MARK2: variants seen among roughly 807,000 people sequenced by gnomAD.
The protein encoded by MARK2 is microtubule affinity regulating kinase 2, also known as serine/threonine-protein kinase MARK2.
Under a neutral mutation model 89.8 loss-of-function variants are expected in MARK2, and 16 were observed. That is an observed-to-expected ratio of 0.18 (90% CI 0.12 to 0.27). The LOEUF (loss-of-function observed/expected upper bound fraction) is 0.27, where lower values mean the gene tolerates loss of function less well. Ranked by LOEUF, MARK2 falls within the 10% of genes least tolerant of loss-of-function variation. The probability of loss-of-function intolerance (pLI) is 1.00; values close to 1 mark genes in which losing one functional copy is unlikely to be tolerated. For missense variants in MARK2, 621 were observed against 1,049.9 expected (o/e 0.59, Z 5.65); for synonymous variants, 382 against 399.5 (o/e 0.96, Z 0.52).
chr11:63,855,987 A>G (rs951270607), intron 1 of MARK2, among the ~76,000 whole-genome samples: 4 of 152,230 alleles, frequency 2.6e-5, no homozygotes, highest in African/African-American at 7.2e-5. Flanking sequence ...TCAATTTCTA[A>G]TAAGATAGCT....
chr11:63,904,636 AGTAGTCACACCCTTCCTTCTGTGTCCTC>A lies in MARK2; in HGVS notation c.1677-147_1677-120del. On this transcript the variant is annotated intron_variant, in intron 15 of 18. Coordinates refer to ENST00000402010, the MANE Select transcript of MARK2 (RefSeq NM_001039469.3). The surrounding 1 kb of genome is among the most constrained non-coding windows in gnomAD (Gnocchi z 6.3). ...AGACTTCCTTCTCACCACTGTCCTC[AGTAGTCACACCCTTCCTTCTGTGTCCTC>A]GTGATGGCTGCCTCTGCCCTAGCAT... 1.4e-6 allele frequency: 1 copy of A among 692,288 alleles called. No individual in the cohort carries two copies. 42.9% of individuals were successfully genotyped at this position (692,288 alleles called of 1,614,324 possible). A position where few individuals can be genotyped will look rare whatever the true frequency, so the allele number is the denominator to read the frequency against.
At position 63,889,518 on chromosome 11, in the gene MARK2, C is replaced by T. The variant is rs545478943; in HGVS notation, c.55-5641C>T. 1.8e-3 allele frequency among the ~76,000 whole-genome samples: 273 copies of T among 152,326 alleles called. 1 individual carries two copies. Among genetic ancestry groups the T allele is most frequent in the African/African-American group, 6.3e-3 (260 of 41,582 alleles). Reference sequence around the variant, plus strand: ...CAGGGGCCCTGCCTACCTGAGTCAGCGCCAGGCCTCTCGGGGTGGAGGCTG... The same window carrying T: ...CAGGGGCCCTGCCTACCTGAGTCAGTGCCAGGCCTCTCGGGGTGGAGGCTG... On this transcript the variant is annotated intron_variant, in intron 1 of 18. Coordinates refer to ENST00000402010, the MANE Select transcript of MARK2 (RefSeq NM_001039469.3).
rs1318975248 is a variant in MARK2, at chr11:63,898,612, A to G, written c.342A>G (p.Lys114=). 6.2e-7 allele frequency: 1 copy of G among 1,613,522 alleles called. No individual in the cohort carries two copies. The highest frequency in any genetic ancestry group is 1.1e-5 in the South Asian group (1 of 91,084). The change falls in exon 5 of 19, where the codon AAA becomes AAG. Residue 114 remains lysine (K), a synonymous_variant. Coordinates refer to ENST00000402010, the MANE Select transcript of MARK2 (RefSeq NM_001039469.3). The part of the protein sequence containing the change: ...MKVLNHPNIV[K]LFEVIETEKT... The stretch of plus-strand genomic sequence containing the variant: ...GCTTGGCCTTTTCTCTTGTAGTTAA[A>G]TTATTTGAAGTGATTGAGACTGAGA...
chr11:63,882,382 G>A (rs976571131), intron 1 of MARK2, among the ~76,000 whole-genome samples: 2 of 151,980 alleles, frequency 1.3e-5, no homozygotes, highest in African/African-American at 2.4e-5. Context: ...TCAGGAGTTC[G>A]AGACTAGCCT....
Position 63,902,791 on chromosome 11 carries a change from C to CA in MARK2, c.1416+10dup, listed in dbSNP as rs753690966. The CA allele has an allele frequency of 2.4e-5, 38 of 1,603,444 alleles. No homozygotes were observed. The highest frequency in any genetic ancestry group is 2.6e-6 in the Non-Finnish European group (3 of 1,172,430). On this transcript the variant is annotated intron_variant, in intron 13 of 18. Coordinates refer to ENST00000402010, the MANE Select transcript of MARK2 (RefSeq NM_001039469.3). This position sits in a 1 kb window ranked among gnomAD's most constrained non-coding sequence, Gnocchi z 4.2. ...CCCCAACCCCCTCCACGGTGAGCCGCACCCCCCGCTCTCTCCTTCCTTCCT... is the reference window on the plus strand; with the variant it reads ...CCCCAACCCCCTCCACGGTGAGCCGCAACCCCCCGCTCTCTCCTTCCTTCCT...
At chr11:63,856,768 G>GGTTTTTTTTTTT (rs1565100741) in intron 1 of MARK2, among the ~76,000 whole-genome samples, 4 of 53,806 alleles carry the variant, frequency 7.4e-5, no homozygotes, top group African/African-American at 2.9e-4. Flanking sequence ...AATTTTTCAT[G>GGTTTTTTTTTTT]TTTTTTTTTT....
At chr11:63,843,008 TAA>T (rs376799657) in intron 1 of MARK2, among the ~76,000 whole-genome samples, 2 of 143,584 alleles carry the variant, frequency 1.4e-5, no homozygotes, top group Non-Finnish European at 3.1e-5. Flanking sequence ...AGTAGGAGAT[TAA>T]AAAAAAAAAA....
intron 1 of MARK2, among the ~76,000 whole-genome samples, chr11:63,853,728 A>G (rs2016689233): frequency 1.3e-5 from 2 of 152,222 alleles, no homozygotes; most frequent in South Asian, 4.1e-4. Flanking sequence ...AAGCTCTACT[A>G]GTGGTCATTG....
intron 1 of MARK2, among the ~76,000 whole-genome samples, chr11:63,893,153 A>G (rs1282166424): frequency 6.7e-6 from 1 of 150,286 alleles, no homozygotes; most frequent in Non-Finnish European, 1.5e-5. Flanking sequence ...ACCTCAAGCA[A>G]TCCACCTGCC....
chr11:63,841,832 C>G (rs2016034913), intron 1 of MARK2, among the ~76,000 whole-genome samples: 1 of 152,176 alleles, frequency 6.6e-6, no homozygotes, highest in African/African-American at 2.4e-5. Flanking sequence ...TGGTATTTTT[C>G]CTGTGATGTG....
chr11:63,872,546 T>A (rs1269117687), intron 1 of MARK2, among the ~76,000 whole-genome samples: 1 of 152,166 alleles, frequency 6.6e-6, no homozygotes, highest in East Asian at 1.9e-4. Context: ...GCTTGTCCAG[T>A]CTTTACTGCT....
chr11:63,862,370 A>G (rs1039999242), intron 1 of MARK2, among the ~76,000 whole-genome samples: 1 of 152,232 alleles, frequency 6.6e-6, no homozygotes, highest in Non-Finnish European at 1.5e-5. Context: ...TTGGTTGTGA[A>G]GAATCCTTTG....
chr11:63,901,692 C>CTGTGTGTGTGTGTGTGTGTG (rs56308004), intron 11 of MARK2, among the ~76,000 whole-genome samples: 2 of 134,712 alleles, frequency 1.5e-5, no homozygotes, highest in East Asian at 4.7e-4. Flanking sequence ...GTGTGTGTAT[C>CTGTGTGTGTGTGTGTGTGTG]TGTGTGTGTG....
chr11:63,887,494 C>T (rs140581381), intron 1 of MARK2, among the ~76,000 whole-genome samples: 1 of 152,346 alleles, frequency 6.6e-6, no homozygotes, highest in East Asian at 1.9e-4. Context: ...GTAAGGCAAA[C>T]ATTTCTTGGC....
chr11:63,903,046 C>T lies in MARK2; in HGVS notation c.1417-15C>T, dbSNP rs753498014. 1.9e-6 allele frequency: 3 copies of T among 1,611,502 alleles called. No homozygotes were observed. Among genetic ancestry groups the T allele is most frequent in the Admixed American group, 1.7e-5 (1 of 60,008 alleles). On this transcript the variant is annotated splice_polypyrimidine_tract_variant and intron_variant, in intron 13 of 18. Transcript: ENST00000402010. This position sits in a 1 kb window ranked among gnomAD's most constrained non-coding sequence, Gnocchi z 5.1. The stretch of plus-strand genomic sequence containing the variant: ...TTGGCTTTCTGATAGAACGCTTGCC[C>T]TTTATTCCCCACAGAACAGCGTCCT...
At chr11:63,856,872 A>C (rs2016890441) in intron 1 of MARK2, among the ~76,000 whole-genome samples, 1 of 130,120 alleles carries the variant, frequency 7.7e-6, no homozygotes, top group Non-Finnish European at 1.5e-5. Flanking sequence ...CAGTGGCGCC[A>C]TCTCGGCTCA....
intron 1 of MARK2, among the ~76,000 whole-genome samples, chr11:63,880,788 G>T (rs1325007185): frequency 6.6e-6 from 1 of 152,216 alleles, no homozygotes; most frequent in Non-Finnish European, 1.5e-5. Flanking sequence ...TCACCTTGGT[G>T]ATCACTCACT....
Position 63,900,164 on chromosome 11 carries a change from C to T in MARK2, c.768+54C>T. ...TTCTCATTTCCTCTCGGCCTCTGGT[C>T]TTAGCCCTGACCTCCTGCCTTTGCC... On this transcript the variant is annotated intron_variant, in intron 8 of 18. Coordinates refer to ENST00000402010, the MANE Select transcript of MARK2 (RefSeq NM_001039469.3). This position sits in a 1 kb window ranked among gnomAD's most constrained non-coding sequence, Gnocchi z 4.7. 5 of 1,372,748 alleles carry T rather than the reference C, an allele frequency of 3.6e-6. No homozygotes were observed. Among genetic ancestry groups the T allele is most frequent in the Non-Finnish European group, 5.2e-6 (5 of 963,250 alleles). The allele number at this position is 1,372,748 out of a possible 1,614,324, so 85.0% of individuals were successfully genotyped here. A position where few individuals can be genotyped will look rare whatever the true frequency, so the allele number is the denominator to read the frequency against.
Position 63,908,905 on chromosome 11 carries a change from G to T in MARK2, c.2035G>T (p.Asp679Tyr). The T allele has an allele frequency of 1.3e-6, 2 of 1,507,240 alleles. No homozygotes were observed. Among genetic ancestry groups the T allele is most frequent in the South Asian group, 2.6e-5 (2 of 75,506 alleles). The allele number at this position is 1,507,240 out of a possible 1,614,324, so 93.4% of individuals were successfully genotyped here. The change falls in exon 19 of 19, where the codon GAC becomes TAC. Residue 679 changes from aspartate (D) to tyrosine (Y), a missense_variant. By Grantham distance (160) the Asp-to-Tyr change is radical. Around this residue, in one of 5 missense-constraint regions of MARK2, gnomAD observed 397 missense variants for 567.8 expected, o/e 0.70. Coordinates refer to ENST00000402010, the MANE Select transcript of MARK2 (RefSeq NM_001039469.3). ...TCACGTGGTGGGCAGTGGCGGCAAC[G>T]ACAAAGAAAAGGAAGAATTTCGGGA... ...RPHVVGSGGNDKEKEEFREAK... is the reference protein window; with the variant it reads ...RPHVVGSGGNYKEKEEFREAK...
Sources: gnomAD v4.1 joint callset for allele counts (sites outside exome capture counted in the v4.1 genomes callset) on GRCh38, gnomAD v4.1.1 for gene constraint, gnomAD v4.1.1 regional missense constraint, Gnocchi (gnomAD v3.1) non-coding constraint, MANE v1.5 for transcripts, NCBI Gene and HGNC (gene_info 2026-07-23, HGNC 2026-07-21) for gene names.